Variants in CHIC2 observed in about 807,000 individuals in gnomAD.
CHIC2 encodes the protein cysteine-rich hydrophobic domain-containing protein 2.
In CHIC2, 14 loss-of-function variants were observed where a neutral mutation model predicts 25.9. That is an observed-to-expected ratio of 0.54 (90% confidence interval 0.36 to 0.85). The LOEUF is 0.85. Among genes scored for constraint, CHIC2 ranks in the 40% least tolerant of loss-of-function variants. CHIC2 has a pLI of 0.01. For synonymous variants in CHIC2, 70 were observed against 72.0 expected (o/e 0.97, Z 0.14); for missense variants, 146 against 202.0 (o/e 0.72, Z 1.68).
chr4:54,015,205 A>G (rs1462979457), intron 3 of CHIC2, among the ~76,000 whole-genome samples: 2 of 152,320 alleles, frequency 1.3e-5, no homozygotes, highest in East Asian at 3.9e-4. Flanking sequence ...ATTCATAACT[A>G]CCAATGAATT....
the CHIC2 span, among the ~76,000 whole-genome samples, chr4:54,073,471 G>A: frequency 2.0e-5 from 3 of 152,168 alleles, no homozygotes; most frequent in Non-Finnish European, 4.4e-5. Context: ...TCATTCTGGA[G>A]GAAGCCACTC....
intron 3 of CHIC2, among the ~76,000 whole-genome samples, chr4:54,022,270 T>C (rs1715922724): frequency 6.6e-6 from 1 of 152,178 alleles, no homozygotes; most frequent in Non-Finnish European, 1.5e-5. Flanking sequence ...CTCAGCTTAG[T>C]GGCTGAAGAC....
intron 5 of CHIC2, 55 bp from the exon 6 acceptor site, chr4:54,010,200 A>C: frequency 7.9e-7 from 1 of 1,271,204 alleles, no homozygotes; most frequent in Non-Finnish European, 1.1e-6. Context: ...TTTTTCTTAA[A>C]ACTTCAATTA....
intron 3 of CHIC2, among the ~76,000 whole-genome samples, chr4:54,028,256 C>T (rs947649908): frequency 2.0e-5 from 3 of 152,034 alleles, no homozygotes; most frequent in African/African-American, 7.2e-5. Flanking sequence ...AAATTCCTTC[C>T]AAAGCTCTAA....
chr4:54,024,599 G>C (rs1190094555), intron 3 of CHIC2, among the ~76,000 whole-genome samples: 1 of 151,992 alleles, frequency 6.6e-6, no homozygotes, highest in Non-Finnish European at 1.5e-5. Context: ...CTAAAAAAAG[G>C]GGACTCCGTA....
At chr4:54,048,806 T>C in intron 3 of CHIC2, 149 bp downstream of exon 3, 1 of 597,718 alleles carries the variant, frequency 1.7e-6, no homozygotes, top group South Asian at 3.9e-5. Context: ...TATAGTAACT[T>C]TACTGACTCA....
intron 3 of CHIC2, among the ~76,000 whole-genome samples, chr4:54,033,830 A>G (rs1716303838): frequency 6.6e-6 from 1 of 151,996 alleles, no homozygotes; most frequent in Non-Finnish European, 1.5e-5. Flanking sequence ...AAAGGGGTCT[A>G]TTTTTTGGCT....
chr4:54,010,223 A>AT, intron 5 of CHIC2, 78 bp from the exon 6 acceptor site: 3 of 1,018,972 alleles, frequency 2.9e-6, no homozygotes, highest in Non-Finnish European at 4.4e-6. Flanking sequence ...TGCTTTCACA[A>AT]TTTTTTTGAA....
the CHIC2 span, among the ~76,000 whole-genome samples, chr4:54,070,975 A>G: frequency 6.6e-6 from 1 of 152,186 alleles, no homozygotes; most frequent in African/African-American, 2.4e-5. Flanking sequence ...TGGTGCCCGC[A>G]GTATAAGTAA....
intron 3 of CHIC2, among the ~76,000 whole-genome samples, chr4:54,043,266 A>T (rs1716647816): frequency 6.6e-6 from 1 of 152,060 alleles, no homozygotes; most frequent in Admixed American, 6.5e-5. Context: ...CTAAAAATAC[A>T]AAAACTTAGC....
chr4:54,054,199 A>C (rs550060453), intron 1 of CHIC2, among the ~76,000 whole-genome samples: 46 of 152,356 alleles, frequency 3.0e-4, no homozygotes, highest in Non-Finnish European at 6.2e-4. Flanking sequence ...ATTTAGGTTC[A>C]CTAATCAATA....
At chr4:54,089,936 T>C in the CHIC2 span, among the ~76,000 whole-genome samples, 1 of 152,158 alleles carries the variant, frequency 6.6e-6, no homozygotes, top group African/African-American at 2.4e-5. Context: ...TAAAACATAT[T>C]GCTTCATGCA....
At chr4:54,047,132 T>C (rs1386496451) in intron 3 of CHIC2, among the ~76,000 whole-genome samples, 3 of 152,136 alleles carry the variant, frequency 2.0e-5, no homozygotes, top group Non-Finnish European at 4.4e-5. Context: ...TGGCGATCAT[T>C]AAAAAGTCAG....
intron 3 of CHIC2, among the ~76,000 whole-genome samples, chr4:54,036,791 C>CAA (rs35884517): frequency 9.9e-5 from 14 of 141,134 alleles, no homozygotes; most frequent in Middle Eastern, 3.6e-3. Flanking sequence ...CCCACAACCA[C>CAA]AAAAAAAAAG....
the CHIC2 span, chr4:54,087,285 A>C: frequency 1.7e-6 from 1 of 580,620 alleles, no homozygotes. Flanking sequence ...ATGGAAGTTA[A>C]AGTGAAGATG....
chr4:54,079,760 C>T, the CHIC2 span, among the ~76,000 whole-genome samples: 2 of 151,652 alleles, frequency 1.3e-5, no homozygotes, highest in Non-Finnish European at 2.9e-5. Flanking sequence ...ATATTTTCAT[C>T]CCTGAGAGGT....
At chr4:54,077,884 A>G in the CHIC2 span, among the ~76,000 whole-genome samples, 1 of 152,242 alleles carries the variant, frequency 6.6e-6, no homozygotes, top group East Asian at 1.9e-4. Flanking sequence ...GCTATCATTC[A>G]CAATTACAGC....
At chr4:54,029,069 GC>G in intron 3 of CHIC2, among the ~76,000 whole-genome samples, 1 of 151,088 alleles carries the variant, frequency 6.6e-6, no homozygotes, top group South Asian at 2.1e-4. Context: ...ATTGCAGTGA[GC>G]CAACATCGCG....
Position 54,044,222 on chromosome 4 carries a change from G to C in CHIC2, c.330+4733C>G, listed in dbSNP as rs190257334. Among the ~76,000 whole-genome samples, 488 of 152,290 alleles carry C rather than the reference G, an allele frequency of 3.2e-3. 4 individuals are homozygous for C. Among genetic ancestry groups the C allele is most frequent in the Middle Eastern group, 0.014 (4 of 294 alleles). On this transcript the variant is annotated intron_variant, in intron 3 of 5. Coordinates refer to ENST00000263921, the MANE Select transcript of CHIC2 (RefSeq NM_012110.4). Reference sequence around the variant, plus strand: ...TAATGGGAGACTTTAACACCCCACTGTCAACATTAGACAGATCAACAAGAC... The same window carrying C: ...TAATGGGAGACTTTAACACCCCACTCTCAACATTAGACAGATCAACAAGAC...
Sources: gnomAD v4.1 joint callset for allele counts (sites outside exome capture counted in the v4.1 genomes callset) on GRCh38, gnomAD v4.1.1 for gene constraint, MANE v1.5 for transcripts, NCBI Gene and HGNC (gene_info 2026-07-23, HGNC 2026-07-21) for gene names.